The following NSRP1 variants were observed in gnomAD, a reference collection of about 807,000 sequenced individuals.
The protein encoded by NSRP1 is coiled-coil domain containing 55.
Under a neutral mutation model 54.7 loss-of-function variants are expected in NSRP1, and 24 were observed. The observed-to-expected ratio is 0.44, with a 90% CI of 0.32 to 0.62. The LOEUF is 0.62. NSRP1 is among the 20% of genes least tolerant of loss of function. The pLI is 0.06. For missense variants in NSRP1, 596 were observed against 651.2 expected, an observed-to-expected ratio of 0.92 and a Z score of 0.92; for synonymous variants, 210 against 213.8, an observed-to-expected ratio of 0.98 and a Z score of 0.15.
chr17:30,185,495 C>G lies in NSRP1; in HGVS notation c.1498C>G (p.His500Asp). The change falls in exon 7 of 7, where the codon CAC (histidine) becomes GAC (aspartate). Residue 500 changes from histidine (H) to aspartate (D), a missense_variant. By Grantham distance (81) the His-to-Asp change is moderately conservative (BLOSUM62 -1). Transcript: ENST00000247026. ...SNSESSLGAKHRLTEEGQEKG... is the reference protein window; with the variant it reads ...SNSESSLGAKDRLTEEGQEKG... The stretch of plus-strand genomic sequence containing the variant: ...TTCTGAATCATCACTGGGAGCAAAA[C>G]ACAGACTCACAGAGGAAGGGCAAGA... The G allele has an allele frequency of 6.2e-7, 1 of 1,613,694 alleles. No individual in the cohort carries two copies. The highest frequency in any genetic ancestry group is 1.1e-5 in the South Asian group (1 of 90,972).
intron 6 of NSRP1, 59 bp from the exon 7 acceptor site, chr17:30,184,556 C>G: frequency 1.3e-6 from 2 of 1,502,462 alleles, no homozygotes; most frequent in Non-Finnish European, 8.9e-7. Flanking sequence ...CCTTCATTTG[C>G]TTATTACAAC....
At chr17:30,131,756 C>T (rs1361268584) in intron 2 of NSRP1, among the ~76,000 whole-genome samples, 1 of 151,994 alleles carries the variant, frequency 6.6e-6, no homozygotes, top group Non-Finnish European at 1.5e-5. Context: ...CATTGATCGA[C>T]TCTTCCTTTA....
chr17:30,165,526 A>G (rs180717782), intron 2 of NSRP1, among the ~76,000 whole-genome samples: 53 of 152,322 alleles, frequency 3.5e-4, no homozygotes, highest in African/African-American at 1.2e-3. Context: ...AACCAGGACA[A>G]TTATTAGAGA....
chr17:30,117,090 T>C (rs760469118), intron 1 of NSRP1: 1 of 763,644 alleles, frequency 1.3e-6, no homozygotes, highest in Non-Finnish European at 2.4e-6. Context: ...TAAAGGAAGT[T>C]AGGCTGAGGG....
At chr17:30,172,690 CAG>C in intron 3 of NSRP1, 92 bp downstream of exon 3, 2 of 946,618 alleles carry the variant, frequency 2.1e-6, no homozygotes, top group Admixed American at 4.9e-5. Flanking sequence ...GAGACTAAAA[CAG>C]AATAGATTTA....
intron 2 of NSRP1, among the ~76,000 whole-genome samples, chr17:30,124,109 TAA>T (rs35798766): frequency 7.2e-6 from 1 of 138,872 alleles, no homozygotes; most frequent in Non-Finnish European, 1.6e-5. Flanking sequence ...CCCGTCTCTA[TAA>T]AAAAAAAAAA....
chr17:30,122,024 C>G (rs375577833), intron 2 of NSRP1, among the ~76,000 whole-genome samples: 100 of 152,096 alleles, frequency 6.6e-4, no homozygotes, highest in African/African-American at 2.2e-3. Context: ...ATGGGTTTCC[C>G]TATTCTGCAC....
At chr17:30,162,023 TC>T (rs1427462517) in intron 2 of NSRP1, among the ~76,000 whole-genome samples, 1 of 125,450 alleles carries the variant, frequency 8.0e-6, no homozygotes, top group Admixed American at 8.9e-5. Context: ...CATAGCCATG[TC>T]TTTTTTTTTT....
At chr17:30,171,247 A>G (rs568794620) in intron 2 of NSRP1, among the ~76,000 whole-genome samples, 1 of 151,250 alleles carries the variant, frequency 6.6e-6, no homozygotes, top group South Asian at 2.1e-4. Context: ...CTGGGCTCCC[A>G]CAGTGCTTTG....
At chr17:30,146,791 G>A (rs2071859719) in intron 2 of NSRP1, among the ~76,000 whole-genome samples, 1 of 151,968 alleles carries the variant, frequency 6.6e-6, no homozygotes, top group Non-Finnish European at 1.5e-5. Flanking sequence ...TTTTAGTAGA[G>A]ATGGAGTTTT....
Position 30,185,402 on chromosome 17 carries a change from C to G in NSRP1, c.1405C>G (p.Gln469Glu), listed in dbSNP as rs1905493567. The G allele has an allele frequency of 1.9e-6, 3 of 1,610,580 alleles. No individual in the cohort carries two copies. The highest frequency in any genetic ancestry group is 1.1e-5 in the South Asian group (1 of 89,978). Residue 469 changes from glutamine (Q) to glutamate (E), a missense_variant, in exon 7 of 7, where the codon CAA becomes GAA. Transcript: ENST00000247026. ...TAGGGCAAAGGATAAATTTCTTGAC[C>G]AAGAAAGATCCAACAAAATGAGAAA... is the stretch of plus-strand genomic sequence containing the variant. ...NSRAKDKFLD[Q>E]ERSNKMRNMA...
chr17:30,121,800 C>T (rs749919856), intron 2 of NSRP1, among the ~76,000 whole-genome samples: 1 of 152,110 alleles, frequency 6.6e-6, no homozygotes, highest in Non-Finnish European at 1.5e-5. Context: ...GAACCCCTGA[C>T]CTTGTGATCC....
At chr17:30,163,046 AT>A (rs533508396) in intron 2 of NSRP1, 8 of 147,796 alleles carry the variant, frequency 5.4e-5, no homozygotes, top group Middle Eastern at 3.4e-3. Flanking sequence ...TGCCTGGCTA[AT>A]TTTTTTTTTG....
At chr17:30,124,354 A>T (rs149232967) in intron 2 of NSRP1, among the ~76,000 whole-genome samples, 150 of 152,344 alleles carry the variant, frequency 9.8e-4, no homozygotes, top group Admixed American at 2.3e-3. Context: ...GAGTTTTTTG[A>T]TGTTACTGCT....
intron 1 of NSRP1, chr17:30,117,359 C>A (rs2071546076): frequency 1.9e-6 from 1 of 524,232 alleles, no homozygotes; most frequent in Non-Finnish European, 3.4e-6. Flanking sequence ...TTGGGGTATA[C>A]GTTGCCGCAA....
At chr17:30,134,554 G>A (rs979555493) in intron 2 of NSRP1, among the ~76,000 whole-genome samples, 1 of 152,204 alleles carries the variant, frequency 6.6e-6, no homozygotes, top group African/African-American at 2.4e-5. Flanking sequence ...TCAGCTGAAA[G>A]AGAAGCAGCT....
chr17:30,152,288 A>C (rs1256434817), intron 2 of NSRP1, among the ~76,000 whole-genome samples: 3 of 150,488 alleles, frequency 2.0e-5, no homozygotes, highest in Non-Finnish European at 1.5e-5. Flanking sequence ...GTGCCCAGCT[A>C]ATTTTCTTTT....
intron 2 of NSRP1, among the ~76,000 whole-genome samples, chr17:30,165,313 A>G (rs1222317542): frequency 6.6e-6 from 1 of 152,186 alleles, no homozygotes; most frequent in Non-Finnish European, 1.5e-5. Flanking sequence ...ACATACATGC[A>G]CAGATGTGTA....
At chr17:30,149,977 C>T (rs890907697) in intron 2 of NSRP1, 1 of 152,278 alleles carries the variant, frequency 6.6e-6, no homozygotes, top group Non-Finnish European at 1.5e-5. Context: ...CTTCCCTCTA[C>T]TCTGCCCTTG....
Sources: allele counts gnomAD v4.1 joint callset (sites outside exome capture counted in the v4.1 genomes callset), GRCh38; gene constraint gnomAD v4.1.1; transcripts MANE v1.5; gene names NCBI Gene and HGNC (gene_info 2026-07-23, HGNC 2026-07-21).